Variants in HIPK1 observed in about 807,000 individuals in gnomAD.
HIPK1 encodes homeodomain interacting protein kinase 1.
Under a neutral mutation model 117.1 loss-of-function variants are expected in HIPK1, and 28 were observed. The observed-to-expected ratio is 0.24, with a 90% confidence interval of 0.18 to 0.33. The LOEUF (loss-of-function observed/expected upper bound fraction) is 0.33, where lower values mean the gene tolerates loss of function less well. Among genes scored for constraint, HIPK1 ranks in the 10% least tolerant of loss-of-function variants. The probability of loss-of-function intolerance (pLI) is 1.00; values close to 1 mark genes in which losing one functional copy is unlikely to be tolerated. For missense variants in HIPK1, 1,122 were observed against 1,475.1 expected, an observed-to-expected ratio of 0.76 and a Z score of 3.92; for synonymous variants, 605 against 562.5, an observed-to-expected ratio of 1.08 and a Z score of -1.07.
chr1:113,973,029 G>C lies in HIPK1; in HGVS notation c.3150G>C (p.Gln1050His), dbSNP rs1321848286. ...AAQPLNLSQN[Q>H]QSSAAPTSQE... ...TTCTTCCTTCTTTCTTCCAGAACCAGCAGTCATCGGCGGCTCCAACCTCAC... is the reference window on the plus strand; with the variant it reads ...TTCTTCCTTCTTTCTTCCAGAACCACCAGTCATCGGCGGCTCCAACCTCAC... The change falls in exon 16 of 16, where the codon CAG becomes CAC. Residue 1050 changes from glutamine to histidine, a missense_variant. Gln to His is a conservative substitution (Grantham distance 24, BLOSUM62 0). This residue lies in a region of HIPK1 where 731 missense variants were observed against 860.4 expected (regional missense o/e 0.85). Coordinates refer to ENST00000426820, the MANE Select transcript of HIPK1 (RefSeq NM_198268.3). 1.3e-6 allele frequency: 2 copies of C among 1,514,932 alleles called. No individual in the cohort carries two copies. Among genetic ancestry groups the C allele is most frequent in the Non-Finnish European group, 1.8e-6 (2 of 1,132,084 alleles). 93.8% of individuals were successfully genotyped at this position (1,514,932 alleles called of 1,614,324 possible).
intron 11 of HIPK1, among the ~76,000 whole-genome samples, chr1:113,967,470 T>C (rs1672529001): frequency 6.6e-6 from 1 of 152,236 alleles, no homozygotes; most frequent in Non-Finnish European, 1.5e-5. Flanking sequence ...ATTTCTCTAA[T>C]GATCAGAGAT....
At chr1:113,944,152 G>T in intron 2 of HIPK1, among the ~76,000 whole-genome samples, 1 of 125,298 alleles carries the variant, frequency 8.0e-6, no homozygotes, top group Non-Finnish European at 1.7e-5. Context: ...TTAAATAATA[G>T]CCATGGGTTT....
chr1:113,970,857 A>G (rs1475013786), intron 14 of HIPK1, among the ~76,000 whole-genome samples: 1 of 152,188 alleles, frequency 6.6e-6, no homozygotes, highest in East Asian at 1.9e-4. Flanking sequence ...TCAGAAGGAG[A>G]AAGAAAGTGT....
At position 113,940,677 on chromosome 1, in the gene HIPK1, A is replaced by G. The variant is rs769657116; in HGVS notation, c.294A>G (p.Ser98=). The G allele has an allele frequency of 6.3e-5, 102 of 1,614,190 alleles. No individual in the cohort carries two copies. The highest frequency in any genetic ancestry group is 8.6e-5 in the Non-Finnish European group (101 of 1,180,042). The change falls in exon 2 of 16, where the codon TCA becomes TCG. Residue 98 remains serine, a synonymous_variant. Coordinates refer to ENST00000426820, the MANE Select transcript of HIPK1 (RefSeq NM_198268.3). ...ATAGCTCGGGCAGTGCTGCTACATC[A>G]ACCTTCCAAAGCAGCCAGACCCTGA... ...AADSSGSAAT[S]TFQSSQTLTH... is the part of the protein sequence containing the mutation.
rs762417318 is a variant in HIPK1, at chr1:113,940,688, G to A, written c.305G>A (p.Ser102Asn). ...SGSAATSTFQSSQTLTHRSNV... is the reference protein window; with the variant it reads ...SGSAATSTFQNSQTLTHRSNV... ...AGTGCTGCTACATCAACCTTCCAAAGCAGCCAGACCCTGACTCACAGAAGC... is the reference window on the plus strand; with the variant it reads ...AGTGCTGCTACATCAACCTTCCAAAACAGCCAGACCCTGACTCACAGAAGC... Residue 102 changes from serine (S) to asparagine (N), a missense_variant, in exon 2 of 16, where the codon AGC (serine) becomes AAC (asparagine). By Grantham distance (46) the Ser-to-Asn change is conservative (BLOSUM62 1). Coordinates refer to ENST00000426820, the MANE Select transcript of HIPK1 (RefSeq NM_198268.3). 9.4e-5 allele frequency: 152 copies of A among 1,614,042 alleles called. No individual in the cohort carries two copies. The highest frequency in any genetic ancestry group is 1.3e-4 in the Non-Finnish European group (148 of 1,180,046).
chr1:113,958,930 C>G (rs1197097777), intron 8 of HIPK1, among the ~76,000 whole-genome samples: 1 of 152,056 alleles, frequency 6.6e-6, no homozygotes, highest in Non-Finnish European at 1.5e-5. Context: ...GAGGCGGAGT[C>G]CCTGTGTTGC....
At chr1:113,953,632 C>T (rs967645641) in intron 3 of HIPK1, among the ~76,000 whole-genome samples, 12 of 151,988 alleles carry the variant, frequency 7.9e-5, no homozygotes, top group Non-Finnish European at 1.5e-4. Context: ...ATTCTCCTGC[C>T]TCAGCCTCCT....
intron 2 of HIPK1, among the ~76,000 whole-genome samples, chr1:113,945,910 C>T (rs890826565): frequency 8.6e-5 from 13 of 152,042 alleles, no homozygotes; most frequent in African/African-American, 2.9e-4. Flanking sequence ...TTAAGGATAG[C>T]GATGAATCTG....
At chr1:113,955,183 T>C (rs1221618631) in intron 4 of HIPK1, among the ~76,000 whole-genome samples, 1 of 152,264 alleles carries the variant, frequency 6.6e-6, no homozygotes, top group African/African-American at 2.4e-5. Context: ...CTGAGCCTAC[T>C]CTGTCAGGTT....
intron 1 of HIPK1, chr1:113,933,339 AC>A: frequency 4.2e-6 from 1 of 235,356 alleles, no homozygotes; most frequent in Non-Finnish European, 6.9e-6. Flanking sequence ...TATTGTGGGA[AC>A]CCAGAGAGAC....
chr1:113,951,020 G>T (rs933383191), intron 2 of HIPK1: 1 of 160,856 alleles, frequency 6.2e-6, no homozygotes, highest in Admixed American at 6.5e-5. Flanking sequence ...CTTAATTTCA[G>T]AGGTGCTAAC....
intron 14 of HIPK1, among the ~76,000 whole-genome samples, chr1:113,970,579 GT>G (rs377085568): frequency 6.6e-6 from 1 of 152,176 alleles, no homozygotes; most frequent in Non-Finnish European, 1.5e-5. Context: ...CTGCAAAAGT[GT>G]TTTGGAAAAC....
intron 13 of HIPK1, among the ~76,000 whole-genome samples, chr1:113,969,148 T>C (rs1253339174): frequency 6.6e-6 from 1 of 152,186 alleles, no homozygotes; most frequent in Non-Finnish European, 1.5e-5. Context: ...GAAGGTAGGA[T>C]TCACACATGA....
intron 2 of HIPK1, among the ~76,000 whole-genome samples, chr1:113,947,332 C>T (rs1341885263): frequency 6.6e-6 from 1 of 152,186 alleles, no homozygotes. Flanking sequence ...ACTGAACAAA[C>T]TAGCCAGCCT....
At chr1:113,932,382 T>C in intron 1 of HIPK1, among the ~76,000 whole-genome samples, 1 of 151,056 alleles carries the variant, frequency 6.6e-6, no homozygotes, top group Admixed American at 6.6e-5. Flanking sequence ...TTTTTTTTTT[T>C]TTTTTTTTTA....
At chr1:113,930,533 G>C (rs534154436) in intron 1 of HIPK1, 1 of 152,318 alleles carries the variant, frequency 6.6e-6, no homozygotes, top group East Asian at 1.9e-4. Flanking sequence ...TAGAGGTCTG[G>C]CCCAAAGGGA....
chr1:113,941,018 C>T lies in HIPK1; in HGVS notation c.635C>T (p.Thr212Ile), dbSNP rs1317547150. The change falls in exon 2 of 16, where the codon ACC becomes ATC. Residue 212 changes from threonine to isoleucine, a missense_variant. This residue lies in a region of HIPK1 where 62 missense variants were observed against 121.5 expected (regional missense o/e 0.51). Transcript: ENST00000426820. The surrounding 1 kb of genome is among the most constrained non-coding windows in gnomAD (Gnocchi z 4.9). ...GTGGCTAAGTGCTGGAAGAGGAGCA[C>T]CAAGGAAATTGTGGCTATTAAAATC... ...GQVAKCWKRS[T>I]KEIVAIKILK... The T allele has an allele frequency of 6.2e-7, 1 of 1,614,130 alleles. No individual in the cohort carries two copies. The highest frequency in any genetic ancestry group is 1.1e-5 in the South Asian group (1 of 91,082).
intron 13 of HIPK1, 101 bp downstream of exon 13, chr1:113,968,749 G>A: frequency 3.4e-6 from 3 of 895,406 alleles, no homozygotes; most frequent in Admixed American, 4.0e-5. Flanking sequence ...GGTGGGGCAT[G>A]GTGGCTCACG....
At chr1:113,944,482 T>G (rs896952225) in intron 2 of HIPK1, among the ~76,000 whole-genome samples, 18 of 135,888 alleles carry the variant, frequency 1.3e-4, no homozygotes, top group South Asian at 2.4e-4. Flanking sequence ...TTTTTTTTTG[T>G]TTTTTTTTTG....
Sources: allele counts gnomAD v4.1 joint callset (sites outside exome capture counted in the v4.1 genomes callset), GRCh38; gene constraint gnomAD v4.1.1; regional missense constraint gnomAD v4.1.1; non-coding constraint Gnocchi (gnomAD v3.1); transcripts MANE v1.5; gene names NCBI Gene and HGNC (gene_info 2026-07-23, HGNC 2026-07-21).